The following CNTNAP5 variants were observed in gnomAD, a reference collection of about 807,000 sequenced individuals.
The protein encoded by CNTNAP5 is contactin associated protein family member 5.
CNTNAP5 carries 72 observed loss-of-function variants against 150.2 expected under a neutral mutation model. The observed-to-expected ratio is 0.48, with a 90% CI of 0.40 to 0.58. The LOEUF (loss-of-function observed/expected upper bound fraction) is 0.58, where lower values mean the gene tolerates loss of function less well. Ranked by LOEUF, CNTNAP5 falls within the 20% of genes least tolerant of loss-of-function variation. The probability of loss-of-function intolerance (pLI) is 0.00; values close to 1 mark genes in which losing one functional copy is unlikely to be tolerated. For synonymous variants in CNTNAP5, 672 were observed against 619.8 expected, an observed-to-expected ratio of 1.08 and a Z score of -1.25; for missense variants, 1,636 against 1,626.2, an observed-to-expected ratio of 1.01 and a Z score of -0.10.
chr2:124,490,980 C>T (rs1694010666), intron 7 of CNTNAP5, among the ~76,000 whole-genome samples: 1 of 152,012 alleles, frequency 6.6e-6, no homozygotes, highest in African/African-American at 2.4e-5. Flanking sequence ...GTCAGTATTT[C>T]AGTAGCAGAT....
rs185266109 is a variant in CNTNAP5, at chr2:124,661,043, G to A, written c.2077+13085G>A. Among the ~76,000 whole-genome samples the A allele has an allele frequency of 2.5e-4, 37 of 150,176 alleles. 1 individual carries two copies. The East Asian group carries it at 7.1e-3, about 29-fold the overall frequency. On this transcript the variant is annotated intron_variant, in intron 13 of 23. Coordinates refer to ENST00000682447, the MANE Select transcript of CNTNAP5 (RefSeq NM_001367498.1). ...AGGACTAAAAGTTGAAAGTTGCTCTGGGTGAGGCAGAGAGGGAATGATGTG... is the reference window on the plus strand; with the variant it reads ...AGGACTAAAAGTTGAAAGTTGCTCTAGGTGAGGCAGAGAGGGAATGATGTG...
At chr2:124,297,724 C>T (rs1016499875) in intron 3 of CNTNAP5, among the ~76,000 whole-genome samples, 1 of 151,904 alleles carries the variant, frequency 6.6e-6, no homozygotes, top group Non-Finnish European at 1.5e-5. Context: ...CATCACCAGA[C>T]GTAGTCTCCA....
At chr2:124,555,099 A>T (rs1558951786) in intron 10 of CNTNAP5, among the ~76,000 whole-genome samples, 1 of 151,820 alleles carries the variant, frequency 6.6e-6, no homozygotes, top group Non-Finnish European at 1.5e-5. Flanking sequence ...ATGCTCTAGT[A>T]TTTTTTTTAA....
rs892658279 is a variant in CNTNAP5, at chr2:124,747,390, T to C, written c.2234+5T>C. The C allele has an allele frequency of 6.2e-7, 1 of 1,613,522 alleles. No individual in the cohort carries two copies. Among genetic ancestry groups the C allele is most frequent in the Non-Finnish European group, 8.5e-7 (1 of 1,179,674 alleles). On this transcript the variant is annotated splice_donor_5th_base_variant and intron_variant, in intron 14 of 23. Coordinates refer to ENST00000682447, the MANE Select transcript of CNTNAP5 (RefSeq NM_001367498.1). ...CGACGCTGACAAGGATGAATGGTAA[T>C]GAGAATCTCCATCTTTCTGCAATTG...
chr2:124,799,041 A>T (rs1037422953), intron 19 of CNTNAP5, among the ~76,000 whole-genome samples: 2 of 152,154 alleles, frequency 1.3e-5, no homozygotes, highest in African/African-American at 4.8e-5. Context: ...AAATAAAAGG[A>T]TTATTTTTTA....
chr2:124,717,282 T>C (rs1036825947), intron 13 of CNTNAP5, among the ~76,000 whole-genome samples: 1 of 152,232 alleles, frequency 6.6e-6, no homozygotes, highest in African/African-American at 2.4e-5. Context: ...ATTGGCATCC[T>C]TTCCACCCTA....
intron 3 of CNTNAP5, among the ~76,000 whole-genome samples, chr2:124,323,913 G>A: frequency 6.6e-6 from 1 of 152,026 alleles, no homozygotes; most frequent in East Asian, 1.9e-4. Context: ...GAGAAATAGA[G>A]AAAGAGAGCA....
chr2:124,254,941 T>A (rs779153154), intron 3 of CNTNAP5, among the ~76,000 whole-genome samples: 3 of 152,102 alleles, frequency 2.0e-5, no homozygotes, highest in Non-Finnish European at 4.4e-5. Flanking sequence ...TAAGATATTA[T>A]CTAACAAGGA....
intron 3 of CNTNAP5, among the ~76,000 whole-genome samples, chr2:124,334,866 T>C (rs1044159318): frequency 6.6e-6 from 1 of 152,114 alleles, no homozygotes; most frequent in Admixed American, 6.6e-5. Context: ...AAAGAATATA[T>C]TGTCTGGTTA....
At chr2:124,645,840 C>T (rs1374783605) in intron 12 of CNTNAP5, among the ~76,000 whole-genome samples, 1 of 152,056 alleles carries the variant, frequency 6.6e-6, no homozygotes, top group Non-Finnish European at 1.5e-5. Flanking sequence ...GGGGAGGTCT[C>T]AGGGAGCTTA....
At chr2:124,161,045 C>T (rs1026025337) in intron 1 of CNTNAP5, among the ~76,000 whole-genome samples, 10 of 151,952 alleles carry the variant, frequency 6.6e-5, no homozygotes, top group Non-Finnish European at 1.2e-4. Flanking sequence ...GAAATATCAA[C>T]GAGAAAAGGA....
At chr2:124,379,915 A>T (rs1235865453) in intron 3 of CNTNAP5, among the ~76,000 whole-genome samples, 1 of 152,120 alleles carries the variant, frequency 6.6e-6, no homozygotes, top group Non-Finnish European at 1.5e-5. Context: ...ATTGTTCCTG[A>T]TACTTTGGTT....
intron 3 of CNTNAP5, among the ~76,000 whole-genome samples, chr2:124,244,680 G>C: frequency 6.6e-6 from 1 of 152,118 alleles, no homozygotes. Context: ...GAGTAAAATA[G>C]AGTGGCGTTA....
chr2:124,101,495 C>T (rs575245351), intron 1 of CNTNAP5, among the ~76,000 whole-genome samples: 3 of 152,062 alleles, frequency 2.0e-5, no homozygotes, highest in Non-Finnish European at 4.4e-5. Flanking sequence ...AGGGAAGGGA[C>T]GGTGCAACCA....
At chr2:124,486,197 CAGTAAT>C in intron 7 of CNTNAP5, among the ~76,000 whole-genome samples, 1 of 152,248 alleles carries the variant, frequency 6.6e-6, no homozygotes, top group South Asian at 2.1e-4. Flanking sequence ...TGAAGTAACT[CAGTAAT>C]GGAAAATCAA....
chr2:124,504,591 T>C (rs748842722), intron 8 of CNTNAP5, 35 bp downstream of exon 8: 31 of 1,601,762 alleles, frequency 1.9e-5, no homozygotes, highest in Admixed American at 5.1e-5. Context: ...CAGCTTCTTG[T>C]TTATCCAAGT....
chr2:124,724,175 A>AATAATAATAATAATAATG (rs539558593), intron 13 of CNTNAP5, among the ~76,000 whole-genome samples: 9 of 149,658 alleles, frequency 6.0e-5, no homozygotes, highest in African/African-American at 2.2e-4. Flanking sequence ...TAATAATAAT[A>AATAATAATAATAATAATG]ATGATGATAC....
At chr2:124,056,353 G>C (rs1249454785) in intron 1 of CNTNAP5, among the ~76,000 whole-genome samples, 3 of 152,240 alleles carry the variant, frequency 2.0e-5, no homozygotes, top group African/African-American at 7.2e-5. Flanking sequence ...GGCCAGGCAC[G>C]GTGGCTCACG....
At chr2:124,909,020 T>G (rs1376070342) in intron 22 of CNTNAP5, among the ~76,000 whole-genome samples, 1 of 152,044 alleles carries the variant, frequency 6.6e-6, no homozygotes, top group Non-Finnish European at 1.5e-5. Context: ...TATAGTAAGC[T>G]AAGGATAATT....
Sources: allele counts gnomAD v4.1 joint callset (sites outside exome capture counted in the v4.1 genomes callset), GRCh38; gene constraint gnomAD v4.1.1; transcripts MANE v1.5; gene names NCBI Gene and HGNC (gene_info 2026-07-23, HGNC 2026-07-21).